Variants in RUVBL1 observed in about 807,000 individuals in gnomAD.
RUVBL1 encodes ruvB-like 1.
RUVBL1 carries 4 observed loss-of-function variants against 52.4 expected under a neutral mutation model. The observed-to-expected ratio is 0.08, with a 90% CI of 0.04 to 0.17. The LOEUF is 0.17. Among genes scored for constraint, RUVBL1 ranks in the 10% least tolerant of loss-of-function variants. The pLI, the probability that RUVBL1 is intolerant of heterozygous loss-of-function variation, is 1.00. For missense variants in RUVBL1, 298 were observed against 572.8 expected (o/e 0.52, Z 4.90); for synonymous variants, 217 against 214.4 (o/e 1.01, Z -0.10).
chr3:128,145,417 TGTGA>T (rs1944089279), intron 1 of RUVBL1, among the ~76,000 whole-genome samples: 1 of 152,216 alleles, frequency 6.6e-6, no homozygotes, highest in African/African-American at 2.4e-5. Context: ...TCAGTTTCAC[TGTGA>T]GTTTCTGTCA....
At position 128,104,762 on chromosome 3, in the gene RUVBL1, C is replaced by T. The variant is rs778967831; in HGVS notation, c.513+11G>A. The T allele has an allele frequency of 3.8e-6, 6 of 1,599,426 alleles. No homozygotes were observed. The Admixed American group carries it at 8.4e-5, about 22-fold the overall frequency. On this transcript the variant is annotated intron_variant, in intron 4 of 10. Transcript: ENST00000322623. ...GAGTCAAGGGAAAAGAGGCCACATACATGTACTCACTTTCAACTGTTTGGT... is the reference window on the plus strand; with the variant it reads ...GAGTCAAGGGAAAAGAGGCCACATATATGTACTCACTTTCAACTGTTTGGT...
chr3:128,145,727 T>C (rs924668455), intron 1 of RUVBL1, among the ~76,000 whole-genome samples: 1 of 152,232 alleles, frequency 6.6e-6, no homozygotes, highest in Non-Finnish European at 1.5e-5. Flanking sequence ...CCTTGGGGAC[T>C]ACAAACTAAG....
At chr3:128,093,717 G>A (rs1942906737) in intron 8 of RUVBL1, among the ~76,000 whole-genome samples, 1 of 152,172 alleles carries the variant, frequency 6.6e-6, no homozygotes, top group South Asian at 2.1e-4. Flanking sequence ...AGGATCCTGA[G>A]CCTGGAAGGA....
chr3:128,091,305 G>C (rs991501832), intron 8 of RUVBL1, among the ~76,000 whole-genome samples: 13 of 152,156 alleles, frequency 8.5e-5, no homozygotes, highest in South Asian at 2.1e-4. Flanking sequence ...GGGGGAACGG[G>C]GGGTGGGGAG....
At chr3:128,110,496 C>T (rs1233981083) in intron 3 of RUVBL1, among the ~76,000 whole-genome samples, 1 of 151,864 alleles carries the variant, frequency 6.6e-6, no homozygotes, top group African/African-American at 2.4e-5. Context: ...AAAATAAGCA[C>T]CAAAAAATCC....
upstream of RUVBL1, among the ~76,000 whole-genome samples, chr3:128,128,069 G>T (rs570485636): frequency 2.0e-5 from 3 of 151,852 alleles, no homozygotes; most frequent in Non-Finnish European, 2.9e-5. Flanking sequence ...CATAAACGTT[G>T]TGTTAGTTTT....
chr3:128,118,924 C>T (rs1943584243), intron 2 of RUVBL1, among the ~76,000 whole-genome samples: 1 of 152,190 alleles, frequency 6.6e-6, no homozygotes, highest in South Asian at 2.1e-4. Flanking sequence ...TCATCTCCCA[C>T]ACAGCCACAA....
At chr3:128,153,700 C>CG (rs1234855835) in exon 1 of RUVBL1, 1 of 1,587,856 alleles carries the variant, frequency 6.3e-7, no homozygotes, top group East Asian at 2.3e-5. Flanking sequence ...CGCGCGCCTG[C>CG]GGTCGTCTTT....
intron 1 of RUVBL1, among the ~76,000 whole-genome samples, chr3:128,135,414 T>A (rs780438815): frequency 6.3e-4 from 96 of 152,128 alleles, no homozygotes; most frequent in Non-Finnish European, 4.0e-4. Context: ...GCACCTGTAG[T>A]CCCAGCTACT....
At chr3:128,152,244 T>G (rs1276679431) in intron 1 of RUVBL1, among the ~76,000 whole-genome samples, 11 of 152,300 alleles carry the variant, frequency 7.2e-5, no homozygotes, top group Admixed American at 6.5e-4. Context: ...CAAGAGCACA[T>G]CACAACACAT....
intron 9 of RUVBL1, among the ~76,000 whole-genome samples, chr3:128,074,842 CAA>C (rs386397876): frequency 0.022 from 1,628 of 72,830 alleles, 22 homozygotes; most frequent in African/African-American, 0.072. Context: ...AACTCCGTCT[CAA>C]AAAAAAAAAA....
intron 8 of RUVBL1, among the ~76,000 whole-genome samples, chr3:128,095,245 G>A (rs1942941670): frequency 6.6e-6 from 1 of 152,248 alleles, no homozygotes; most frequent in Non-Finnish European, 1.5e-5. Flanking sequence ...AGAGATGCCA[G>A]GCTCTGCAGG....
chr3:128,129,762 C>T (rs1054468784), intron 1 of RUVBL1, among the ~76,000 whole-genome samples: 1 of 152,054 alleles, frequency 6.6e-6, no homozygotes, highest in African/African-American at 2.4e-5. Context: ...GTAAAATAAG[C>T]CAGTCACAAA....
At chr3:128,069,313 G>A (rs1942082242) in intron 9 of RUVBL1, among the ~76,000 whole-genome samples, 1 of 152,208 alleles carries the variant, frequency 6.6e-6, no homozygotes, top group African/African-American at 2.4e-5. Context: ...CTGGACAGCA[G>A]CGCCTTGGCC....
At chr3:128,092,522 T>A in intron 8 of RUVBL1, among the ~76,000 whole-genome samples, 1 of 150,974 alleles carries the variant, frequency 6.6e-6, no homozygotes, top group African/African-American at 2.4e-5. Context: ...ACAAAGAACC[T>A]GAATAAAAAA....
intron 1 of RUVBL1, among the ~76,000 whole-genome samples, chr3:128,152,981 C>T (rs1411002962): frequency 3.4e-5 from 1 of 29,204 alleles, no homozygotes; most frequent in Non-Finnish European, 6.1e-5. Context: ...CCGTCTTCCC[C>T]CCGCCCACCC....
chr3:128,123,920 C>A, upstream of RUVBL1: 1 of 1,242,602 alleles, frequency 8.0e-7, no homozygotes, highest in South Asian at 3.1e-5. Flanking sequence ...GCTGCTAGAG[C>A]TCCGGTCACC....
chr3:128,079,827 G>GC (rs1942422987), downstream of RUVBL1, among the ~76,000 whole-genome samples: 1 of 152,228 alleles, frequency 6.6e-6, no homozygotes, highest in Non-Finnish European at 1.5e-5. Context: ...AATGCTGCTT[G>GC]CCCCACAAGG....
chr3:128,112,854 G>A, intron 3 of RUVBL1, 34 bp downstream of exon 3: 1 of 1,607,828 alleles, frequency 6.2e-7, no homozygotes, highest in Non-Finnish European at 8.5e-7. Flanking sequence ...CAGGAAGTGA[G>A]ACCAACTCCT....
Sources: allele counts gnomAD v4.1 joint callset (sites outside exome capture counted in the v4.1 genomes callset), GRCh38; gene constraint gnomAD v4.1.1; transcripts MANE v1.5; gene names NCBI Gene and HGNC (gene_info 2026-07-23, HGNC 2026-07-21).